Variants in COMMD1 observed in about 807,000 individuals in gnomAD.
COMMD1 encodes copper metabolism domain containing 1.
COMMD1 carries 10 observed loss-of-function variants against 17.2 expected under a neutral mutation model. The ratio of observed to expected loss-of-function variants is 0.58; its 90% confidence interval spans 0.36 to 0.99. The LOEUF is 0.99. Among genes scored for constraint, COMMD1 ranks in the 50% least tolerant of loss-of-function variants. The pLI, the probability that COMMD1 is intolerant of heterozygous loss-of-function variation, is 0.01. For missense variants in COMMD1, 270 were observed against 231.8 expected (o/e 1.17, Z -1.07); for synonymous variants, 97 against 91.6 (o/e 1.06, Z -0.34).
rs1407808375 is a variant in COMMD1 at position 62,092,754 on chromosome 2, C to T, written c.463-43077C>T. Among the ~76,000 whole-genome samples, 5 of 152,194 alleles carry T rather than the reference C, an allele frequency of 3.3e-5. No individual in the cohort carries two copies. In the East Asian group the frequency reaches 9.6e-4, roughly 29 times the overall value. ...CCCTTGACAATAATGCAGTATTTCC[C>T]CTTTGAGTAAGGCCAGTTTGTATAA... is the stretch of plus-strand genomic sequence containing the variant. On this transcript the variant is annotated intron_variant, in intron 2 of 2. Coordinates refer to ENST00000311832, the MANE Select transcript of COMMD1 (RefSeq NM_152516.4).
chr2:62,056,546 C>T (rs569223782), intron 2 of COMMD1, among the ~76,000 whole-genome samples: 22 of 152,150 alleles, frequency 1.4e-4, no homozygotes, highest in African/African-American at 3.6e-4. Flanking sequence ...GTGTTTAAGT[C>T]GGCAGATAAA....
rs1415487053 is a variant in COMMD1, at chr2:62,066,156, C to T, written c.462+65174C>T. On this transcript the variant is annotated intron_variant, in intron 2 of 2. Coordinates refer to ENST00000311832, the MANE Select transcript of COMMD1 (RefSeq NM_152516.4). ...AAAGATAAAATTGGAGAGAGGACAA[C>T]TGGATTCTTGAATTATTTGTCATTT... is the stretch of plus-strand genomic sequence containing the variant. Among the ~76,000 whole-genome samples the T allele has an allele frequency of 3.3e-5, 5 of 152,146 alleles. No individual in the cohort carries two copies. In the East Asian group the frequency reaches 7.7e-4, roughly 23 times the overall value.
chr2:62,014,071 T>G (rs1669364059), intron 2 of COMMD1, among the ~76,000 whole-genome samples: 1 of 152,158 alleles, frequency 6.6e-6, no homozygotes, highest in African/African-American at 2.4e-5. Context: ...TAAAATGATT[T>G]AAAGAGGAGG....
intron 2 of COMMD1, among the ~76,000 whole-genome samples, chr2:62,071,043 A>G (rs1671187495): frequency 6.6e-6 from 1 of 152,208 alleles, no homozygotes; most frequent in Non-Finnish European, 1.5e-5. Context: ...AAAAAGAGAA[A>G]GTAAAGGAAT....
rs545833186 is a variant in COMMD1 at position 62,005,343 on chromosome 2, A to G, written c.462+4361A>G. The stretch of plus-strand genomic sequence containing the variant: ...AGATTGTTTATTCAGGAACTAGTGA[A>G]GGTGGGTTTCTTTCATTTCCCTCAC... On this transcript the variant is annotated intron_variant, in intron 2 of 2. Coordinates refer to ENST00000311832, the MANE Select transcript of COMMD1 (RefSeq NM_152516.4). 7.4e-4 allele frequency among the ~76,000 whole-genome samples: 112 copies of G among 152,354 alleles called. 2 individuals are homozygous for G. Among genetic ancestry groups the G allele is most frequent in the African/African-American group, 2.7e-3 (111 of 41,584 alleles).
intron 1 of COMMD1, chr2:61,918,543 A>G (rs993214231): frequency 3.9e-5 from 6 of 152,178 alleles, no homozygotes; most frequent in African/African-American, 1.4e-4. Flanking sequence ...CATTCAATTA[A>G]TCTATTTTTG....
chr2:62,045,806 C>T (rs1319685396), intron 2 of COMMD1, among the ~76,000 whole-genome samples: 5 of 141,946 alleles, frequency 3.5e-5, no homozygotes, highest in East Asian at 2.1e-4. Context: ...GGCGCCATCT[C>T]GGCCCACTGC....
intron 2 of COMMD1, among the ~76,000 whole-genome samples, chr2:62,101,621 A>C (rs10182257): frequency 0.41 from 61,092 of 148,802 alleles, 13,188 homozygotes; most frequent in African/African-American, 0.56. Context: ...CTCTCTCTCT[A>C]TATATATATA....
intron 2 of COMMD1, among the ~76,000 whole-genome samples, chr2:62,064,494 T>C (rs1367941665): frequency 6.6e-6 from 1 of 152,178 alleles, no homozygotes; most frequent in African/African-American, 2.4e-5. Flanking sequence ...TTTTTATTCC[T>C]GTGTTTTATA....
intron 2 of COMMD1, among the ~76,000 whole-genome samples, chr2:62,002,848 G>A (rs934656755): frequency 4.3e-4 from 65 of 151,096 alleles, no homozygotes; most frequent in African/African-American, 1.5e-3. Flanking sequence ...AGACCCTGTT[G>A]CAAAAAAAAA....
chr2:61,892,132 G>C (rs2105153391), intron 1 of COMMD1, among the ~76,000 whole-genome samples: 1 of 151,992 alleles, frequency 6.6e-6, no homozygotes, highest in African/African-American at 2.4e-5. Context: ...TGCCCGGCCA[G>C]CTTTCCTATA....
chr2:61,998,200 G>T (rs761862477), intron 1 of COMMD1, among the ~76,000 whole-genome samples: 2 of 151,142 alleles, frequency 1.3e-5, no homozygotes, highest in South Asian at 2.1e-4. Flanking sequence ...CTTTTGTCCA[G>T]ACCACCAAAA....
At chr2:61,976,831 AT>A (rs776935788) in intron 1 of COMMD1, among the ~76,000 whole-genome samples, 316 of 143,870 alleles carry the variant, frequency 2.2e-3, no homozygotes, top group Middle Eastern at 7.4e-3. Flanking sequence ...GTGATGTGGG[AT>A]TTTTTTTTTT....
At chr2:62,070,819 C>G (rs1671181598) in intron 2 of COMMD1, among the ~76,000 whole-genome samples, 1 of 152,204 alleles carries the variant, frequency 6.6e-6, no homozygotes, top group Non-Finnish European at 1.5e-5. Context: ...CAGTTGAGGT[C>G]AGGAGTTAAA....
At chr2:62,036,052 T>C (rs1300687669) in intron 2 of COMMD1, among the ~76,000 whole-genome samples, 1 of 141,154 alleles carries the variant, frequency 7.1e-6, no homozygotes, top group East Asian at 2.0e-4. Context: ...AGACCCTGTC[T>C]CTCACACACA....
intron 1 of COMMD1, among the ~76,000 whole-genome samples, chr2:61,999,497 A>G (rs1030437714): frequency 3.3e-5 from 5 of 152,254 alleles, no homozygotes; most frequent in African/African-American, 1.2e-4. Context: ...AAGGCATTAT[A>G]CAGTTGAAGT....
chr2:62,123,568 G>T (rs1672811073), intron 2 of COMMD1, among the ~76,000 whole-genome samples: 1 of 150,620 alleles, frequency 6.6e-6, no homozygotes, highest in Non-Finnish European at 1.5e-5. Flanking sequence ...AAGGAAGGAA[G>T]GAGAAAGGAA....
chr2:61,945,785 G>A (rs892258897), intron 1 of COMMD1, among the ~76,000 whole-genome samples: 2 of 152,176 alleles, frequency 1.3e-5, no homozygotes, highest in Non-Finnish European at 2.9e-5. Context: ...CAGGTCATAG[G>A]CAGATTTAAA....
At chr2:61,985,041 CTTT>C (rs61613631) in intron 1 of COMMD1, among the ~76,000 whole-genome samples, 1 of 134,200 alleles carries the variant, frequency 7.5e-6, no homozygotes, top group Non-Finnish European at 1.6e-5. Flanking sequence ...CTATGTGTGT[CTTT>C]TTTTTTTTTT....
Sources: allele counts gnomAD v4.1 joint callset (sites outside exome capture counted in the v4.1 genomes callset), GRCh38; gene constraint gnomAD v4.1.1; transcripts MANE v1.5; gene names NCBI Gene and HGNC (gene_info 2026-07-23, HGNC 2026-07-21).